SEC11C: variants seen among roughly 807,000 people sequenced by gnomAD.
SEC11C encodes the protein signal peptidase complex catalytic subunit SEC11C.
A neutral mutation model predicts 21.9 loss-of-function variants in SEC11C; 10 were observed. The observed-to-expected ratio is 0.46, with a 90% confidence interval of 0.28 to 0.77. The LOEUF is 0.77. SEC11C is among the 30% of genes least tolerant of loss of function. The pLI, the probability that SEC11C is intolerant of heterozygous loss-of-function variation, is 0.12. For missense variants in SEC11C, 145 were observed against 244.5 expected (o/e 0.59, Z 2.71); for synonymous variants, 83 against 85.6 (o/e 0.97, Z 0.17).
At chr18:59,141,081 T>C (rs149771292) in intron 1 of SEC11C, among the ~76,000 whole-genome samples, 48 of 152,294 alleles carry the variant, frequency 3.2e-4, no homozygotes, top group Non-Finnish European at 6.3e-4. Flanking sequence ...TGCTCCATCA[T>C]GTTGAGATGT....
At chr18:59,142,746 G>A (rs1248571878) in intron 1 of SEC11C, among the ~76,000 whole-genome samples, 1 of 152,148 alleles carries the variant, frequency 6.6e-6, no homozygotes, top group East Asian at 1.9e-4. Context: ...TGCTCTTTGA[G>A]CTTATGGTGA....
At chr18:59,141,162 C>T (rs1310893359) in intron 1 of SEC11C, among the ~76,000 whole-genome samples, 1 of 152,128 alleles carries the variant, frequency 6.6e-6, no homozygotes, top group Non-Finnish European at 1.5e-5. Flanking sequence ...CACTCTCCTC[C>T]CCCTTCCCCA....
chr18:59,146,300 T>C (rs193083824), intron 1 of SEC11C, among the ~76,000 whole-genome samples: 123 of 152,348 alleles, frequency 8.1e-4, no homozygotes, highest in Middle Eastern at 3.4e-3. Flanking sequence ...GGATCCCTAA[T>C]ACTGAAAGCT....
At chr18:59,152,133 A>C (rs2069361953) in intron 2 of SEC11C, among the ~76,000 whole-genome samples, 1 of 152,048 alleles carries the variant, frequency 6.6e-6, no homozygotes, top group African/African-American at 2.4e-5. Context: ...GCAGTATCCT[A>C]AGTGCTGGAG....
At chr18:59,155,934 A>C (rs1216535231) in intron 4 of SEC11C, 127 bp downstream of exon 4, 1 of 1,128,734 alleles carries the variant, frequency 8.9e-7, no homozygotes, top group Non-Finnish European at 1.3e-6. Flanking sequence ...AAGCAGTTCT[A>C]GTTTATCCTG....
rs753320107 is a variant in SEC11C at position 59,140,022 on chromosome 18, T to C, written c.74T>C (p.Met25Thr). Residue 25 changes from methionine (M) to threonine (T), a missense_variant, in exon 1 of 6, where the codon ATG becomes ACG. Coordinates refer to ENST00000587834, the MANE Select transcript of SEC11C (RefSeq NM_033280.4). ...GATATCTTCGGGGACCTGAAGAAGA[T>C]GAACAAGCGCCAGGTGACGGAGGAG... is the stretch of plus-strand genomic sequence containing the variant. ...GLDIFGDLKKMNKRQLYYQVL... is the reference protein window; with the variant it reads ...GLDIFGDLKKTNKRQLYYQVL... The C allele has an allele frequency of 6.3e-7, 1 of 1,588,260 alleles. No individual in the cohort carries two copies. The highest frequency in any genetic ancestry group is 8.6e-7 in the Non-Finnish European group (1 of 1,164,654).
At chr18:59,143,329 G>GCCATT (rs1199460451) in intron 1 of SEC11C, among the ~76,000 whole-genome samples, 31 of 135,896 alleles carry the variant, frequency 2.3e-4, no homozygotes, top group Non-Finnish European at 4.5e-4. Flanking sequence ...CTCCAGTTTG[G>GCCATT]GCAACAGAGT....
chr18:59,152,514 C>T, intron 2 of SEC11C, 22 bp from the exon 3 acceptor site: 4 of 1,585,254 alleles, frequency 2.5e-6, no homozygotes, highest in Non-Finnish European at 3.4e-6. Flanking sequence ...AATGCTGATA[C>T]TGACTTTGTG....
intron 3 of SEC11C, among the ~76,000 whole-genome samples, chr18:59,154,756 G>C (rs2069400065): frequency 6.6e-6 from 1 of 152,192 alleles, no homozygotes; most frequent in Non-Finnish European, 1.5e-5. Flanking sequence ...AAGAGGAATA[G>C]CATCCATGTT....
chr18:59,155,087 A>T (rs2069404542), intron 3 of SEC11C, among the ~76,000 whole-genome samples: 1 of 152,106 alleles, frequency 6.6e-6, no homozygotes, highest in Non-Finnish European at 1.5e-5. Flanking sequence ...AAATAAATAA[A>T]CAAAAAACCA....
intron 1 of SEC11C, among the ~76,000 whole-genome samples, chr18:59,148,464 G>A (rs2069305648): frequency 1.3e-5 from 2 of 152,220 alleles, no homozygotes. Context: ...GGAAGAGCCT[G>A]TGCTTCAGCC....
chr18:59,145,558 G>A lies in SEC11C; in HGVS notation c.88-3955G>A, dbSNP rs568661300. ...ACCACCAGTGCAGCTGGGGTGAGGC[G>A]AGCTTCACAGGCTGAAGCGGGGCTG... On this transcript the variant is annotated intron_variant, in intron 1 of 5. Coordinates refer to ENST00000587834, the MANE Select transcript of SEC11C (RefSeq NM_033280.4). Among the ~76,000 whole-genome samples the A allele has an allele frequency of 4.6e-5, 7 of 152,286 alleles. No individual in the cohort carries two copies. In the East Asian group the frequency reaches 1.3e-3, roughly 29 times the overall value.
At chr18:59,141,536 A>G (rs568200961) in intron 1 of SEC11C, among the ~76,000 whole-genome samples, 1 of 152,312 alleles carries the variant, frequency 6.6e-6, no homozygotes, top group Non-Finnish European at 1.5e-5. Context: ...TTGAAAGATC[A>G]GTGTGTTTTT....
chr18:59,148,634 G>T (rs1193665196), intron 1 of SEC11C, among the ~76,000 whole-genome samples: 4 of 147,168 alleles, frequency 2.7e-5, no homozygotes, highest in Non-Finnish European at 6.0e-5. Context: ...TTTTTTTTGA[G>T]ACGGAGTCTC....
At chr18:59,143,688 G>A (rs8090894) in intron 1 of SEC11C, among the ~76,000 whole-genome samples, 42,634 of 151,834 alleles carry the variant, frequency 0.28, 6,111 homozygotes, top group African/African-American at 0.32. Flanking sequence ...TTGTTTTATC[G>A]TTTGGTGAGA....
intron 2 of SEC11C, among the ~76,000 whole-genome samples, 193 bp downstream of exon 2, chr18:59,149,815 A>G (rs1019651135): frequency 6.6e-6 from 1 of 152,158 alleles, no homozygotes; most frequent in Admixed American, 6.5e-5. Context: ...GAAAAATCTC[A>G]TCTTTCTTAG....
At chr18:59,158,373 A>T (rs1603378574) in intron 5 of SEC11C, among the ~76,000 whole-genome samples, 1 of 152,194 alleles carries the variant, frequency 6.6e-6, no homozygotes, top group East Asian at 1.9e-4. Flanking sequence ...CTTGACAAAC[A>T]ATGGGAAACC....
intron 5 of SEC11C, 133 bp downstream of exon 5, chr18:59,157,798 C>A: frequency 1.6e-6 from 1 of 637,578 alleles, no homozygotes; most frequent in Non-Finnish European, 2.8e-6. Flanking sequence ...TAGTTAACTA[C>A]AAATTAATGT....
At position 59,139,901 on chromosome 18, in the gene SEC11C, C is replaced by G; in HGVS notation, c.-48C>G. The G allele has an allele frequency of 7.2e-7, 1 of 1,392,354 alleles. No individual in the cohort carries two copies. The highest frequency in any genetic ancestry group is 9.5e-7 in the Non-Finnish European group (1 of 1,050,882). The allele number at this position is 1,392,354 out of a possible 1,614,324, so 86.2% of individuals were successfully genotyped here. On this transcript the variant is annotated 5_prime_UTR_variant, in exon 1 of 6. Transcript: ENST00000587834. Reference sequence around the variant, plus strand: ...GGGCCGGCAGGTGCTCCGCAGCCGTCTGTGCCACCCAGAGCCGGCGGGCCG... The same window carrying G: ...GGGCCGGCAGGTGCTCCGCAGCCGTGTGTGCCACCCAGAGCCGGCGGGCCG...
Sources: gnomAD v4.1 joint callset for allele counts (sites outside exome capture counted in the v4.1 genomes callset) on GRCh38, gnomAD v4.1.1 for gene constraint, MANE v1.5 for transcripts, NCBI Gene and HGNC (gene_info 2026-07-23, HGNC 2026-07-21) for gene names.